EFEMP1: variants seen among roughly 807,000 people sequenced by gnomAD.
EFEMP1 encodes EGF-like fibulin extracellular matrix protein 1.
EFEMP1 carries 18 observed loss-of-function variants against 65.7 expected under a neutral mutation model. The ratio of observed to expected loss-of-function variants is 0.27; its 90% CI spans 0.19 to 0.41. EFEMP1 has a LOEUF of 0.41. Among genes scored for constraint, EFEMP1 ranks in the 10% least tolerant of loss-of-function variants. EFEMP1 has a pLI of 1.00. For synonymous variants in EFEMP1, 237 were observed against 219.7 expected (o/e 1.08, Z -0.70); for missense variants, 469 against 624.8 (o/e 0.75, Z 2.66).
At position 55,922,588 on chromosome 2, in the gene EFEMP1, A is replaced by C; in HGVS notation, c.-7-141T>G. 10 of 782,266 alleles carry C rather than the reference A, an allele frequency of 1.3e-5. No individual in the cohort carries two copies. Among genetic ancestry groups the C allele is most frequent in the African/African-American group, 1.7e-5 (1 of 58,738 alleles). 48.5% of individuals were successfully genotyped at this position (782,266 alleles called of 1,614,324 possible). A position where few individuals can be genotyped will look rare whatever the true frequency, so the allele number is the denominator to read the frequency against. ...TACTCAACTTCCAATCTGCTTTCTCATCTCCCCTCCCCCTCCTGAACCTTC... is the reference window on the plus strand; with the variant it reads ...TACTCAACTTCCAATCTGCTTTCTCCTCTCCCCTCCCCCTCCTGAACCTTC... On this transcript the variant is annotated intron_variant, in intron 2 of 11. Coordinates refer to ENST00000355426, the MANE Select transcript of EFEMP1 (RefSeq NM_001039348.3). This position sits in a 1 kb window ranked among gnomAD's most constrained non-coding sequence, Gnocchi z 5.5.
intron 5 of EFEMP1, among the ~76,000 whole-genome samples, chr2:55,902,574 C>T (rs1489769953): frequency 2.6e-5 from 4 of 152,130 alleles, no homozygotes; most frequent in Admixed American, 6.5e-5. Context: ...ACCACAATAC[C>T]GTAATTACCC....
intron 5 of EFEMP1, among the ~76,000 whole-genome samples, chr2:55,916,964 G>A (rs1350594158): frequency 1.3e-5 from 2 of 152,178 alleles, no homozygotes; most frequent in Non-Finnish European, 2.9e-5. Context: ...GGCAGATGAT[G>A]CCATGGTGCA....
chr2:55,868,509 A>G lies in EFEMP1; in HGVS notation c.1321-1275T>C, dbSNP rs544716047. ...CTTCAATTTCATGTACTTTCTTTAC[A>G]ATACGTTCTCTTTTCCAGGGAAGAT... On this transcript the variant is annotated intron_variant, in intron 11 of 11. Transcript: ENST00000355426. Among the ~76,000 whole-genome samples the G allele has an allele frequency of 2.6e-5, 4 of 152,316 alleles. No homozygotes were observed. The South Asian group carries it at 8.3e-4, about 32-fold the overall frequency.
intron 5 of EFEMP1, among the ~76,000 whole-genome samples, chr2:55,903,387 A>G (rs1222448322): frequency 6.6e-6 from 1 of 152,234 alleles, no homozygotes; most frequent in East Asian, 1.9e-4. Flanking sequence ...GCTGCTGCAG[A>G]AAGTAGAAGA....
At position 55,895,132 on chromosome 2, in the gene EFEMP1, C is replaced by T. The variant is rs533055214; in HGVS notation, c.518-13398G>A. ...TCTAGTGCACTCCTTGCAGGATTGGCAGGGCTGTCCCTGCCATCTTCACCT... is the reference window on the plus strand; with the variant it reads ...TCTAGTGCACTCCTTGCAGGATTGGTAGGGCTGTCCCTGCCATCTTCACCT... On this transcript the variant is annotated intron_variant, in intron 5 of 11. Coordinates refer to ENST00000355426, the MANE Select transcript of EFEMP1 (RefSeq NM_001039348.3). 2.0e-5 allele frequency among the ~76,000 whole-genome samples: 3 copies of T among 152,356 alleles called. No homozygotes were observed. In the South Asian group the frequency reaches 6.2e-4, roughly 32 times the overall value.
chr2:55,900,694 G>T (rs1466862731), intron 5 of EFEMP1, among the ~76,000 whole-genome samples: 4 of 151,960 alleles, frequency 2.6e-5, no homozygotes, highest in African/African-American at 7.3e-5. Context: ...TGACAATCTG[G>T]CTACTAGAGT....
chr2:55,879,970 C>G (rs1036555499), intron 6 of EFEMP1, among the ~76,000 whole-genome samples: 1 of 152,058 alleles, frequency 6.6e-6, no homozygotes, highest in African/African-American at 2.4e-5. Context: ...GCAGGCTTCC[C>G]AGAGGAAGTG....
At chr2:55,902,828 A>C (rs1670091828) in intron 5 of EFEMP1, among the ~76,000 whole-genome samples, 1 of 152,210 alleles carries the variant, frequency 6.6e-6, no homozygotes, top group African/African-American at 2.4e-5. Flanking sequence ...TAAAAATGCC[A>C]TCCAAAAGGC....
intron 9 of EFEMP1, among the ~76,000 whole-genome samples, chr2:55,874,740 C>G (rs1212484883): frequency 4.6e-5 from 7 of 151,826 alleles, no homozygotes; most frequent in African/African-American, 1.5e-4. Flanking sequence ...AATTATTTAT[C>G]TTTTAAGGAC....
Position 55,917,900 on chromosome 2 carries a change from G to A in EFEMP1, c.282C>T (p.Thr94=). 2 of 1,614,140 alleles carry A rather than the reference G, an allele frequency of 1.2e-6. No individual in the cohort carries two copies. Among genetic ancestry groups the A allele is most frequent in the Non-Finnish European group, 8.5e-7 (1 of 1,180,036 alleles). Residue 94 remains threonine, a synonymous_variant, in exon 5 of 12, where the codon ACC becomes ACT. Transcript: ENST00000355426. This position sits in a 1 kb window ranked among gnomAD's most constrained non-coding sequence, Gnocchi z 6.3. Reference sequence around the variant, plus strand: ...CTACAACCCCGGTGGTTGCCCCTGAGGTTCCTTCTGCTGGTTGTGTTTCCT... The same window carrying A: ...CTACAACCCCGGTGGTTGCCCCTGAAGTTCCTTCTGCTGGTTGTGTTTCCT... ...PQQETQPAEG[T]SGATTGVVAA... is the part of the protein sequence containing the mutation.
intron 5 of EFEMP1, among the ~76,000 whole-genome samples, chr2:55,908,903 T>C (rs1302118740): frequency 6.6e-6 from 1 of 152,160 alleles, no homozygotes; most frequent in Non-Finnish European, 1.5e-5. Context: ...AAAAGAATTC[T>C]AGTGTTCCCA....
intron 5 of EFEMP1, among the ~76,000 whole-genome samples, chr2:55,892,217 C>T (rs1403617120): frequency 1.3e-5 from 2 of 152,104 alleles, no homozygotes; most frequent in Non-Finnish European, 2.9e-5. Flanking sequence ...TTTACATTTC[C>T]ATTGGGGACA....
In EFEMP1 at chr2:55,877,478, A is replaced by G. The variant is rs1440873572; in HGVS notation, c.760+268T>C. ...GCATTATATCACACACTGCTGATTG[A>G]CTGGTGTATGTATATCAATTGATTT... On this transcript the variant is annotated intron_variant, in intron 7 of 11. Coordinates refer to ENST00000355426, the MANE Select transcript of EFEMP1 (RefSeq NM_001039348.3). This position sits in a 1 kb window ranked among gnomAD's most constrained non-coding sequence, Gnocchi z 4.5. 1.3e-5 allele frequency among the ~76,000 whole-genome samples: 2 copies of G among 152,290 alleles called. No individual in the cohort carries two copies. The highest frequency in any genetic ancestry group is 4.8e-5 in the African/African-American group (2 of 41,566).
Position 55,922,302 on chromosome 2 carries a change from T to C in EFEMP1, c.81+58A>G. The C allele has an allele frequency of 1.3e-6, 2 of 1,549,930 alleles. No homozygotes were observed. The highest frequency in any genetic ancestry group is 1.8e-6 in the Non-Finnish European group (2 of 1,123,054). On this transcript the variant is annotated intron_variant, in intron 3 of 11. Transcript: ENST00000355426. The surrounding 1 kb of genome is among the most constrained non-coding windows in gnomAD (Gnocchi z 5.5). Reference sequence around the variant, plus strand: ...TACACTGGCAGGGGTGTGTAAAGTCTTTTTTTGTCACAGAATCCCGCTGAA... The same window carrying C: ...TACACTGGCAGGGGTGTGTAAAGTCCTTTTTTGTCACAGAATCCCGCTGAA...
At chr2:55,900,470 G>C (rs868738432) in intron 5 of EFEMP1, among the ~76,000 whole-genome samples, 18 of 152,154 alleles carry the variant, frequency 1.2e-4, no homozygotes, top group Admixed American at 2.0e-4. Context: ...GAAACACCTG[G>C]AGAAATCTGG....
chr2:55,910,387 A>G (rs1476130207), intron 5 of EFEMP1, among the ~76,000 whole-genome samples: 1 of 152,224 alleles, frequency 6.6e-6, no homozygotes, highest in Non-Finnish European at 1.5e-5. Context: ...AATGAATTTC[A>G]GATGCGGTGT....
chr2:55,898,770 T>C (rs538401507), intron 5 of EFEMP1, among the ~76,000 whole-genome samples: 1 of 152,252 alleles, frequency 6.6e-6, no homozygotes, highest in South Asian at 2.1e-4. Flanking sequence ...TGTCTTCCAA[T>C]GGAATTTTCC....
chr2:55,893,029 T>C (rs1214929102), intron 5 of EFEMP1, among the ~76,000 whole-genome samples: 2 of 152,170 alleles, frequency 1.3e-5, no homozygotes, highest in Non-Finnish European at 2.9e-5. Context: ...ATAATTTGTT[T>C]ATAGAAACTT....
intron 5 of EFEMP1, among the ~76,000 whole-genome samples, chr2:55,907,614 C>G (rs1014182720): frequency 1.3e-5 from 2 of 152,070 alleles, no homozygotes; most frequent in Admixed American, 6.5e-5. Context: ...AATGTATGTA[C>G]AAGAGGAGGG....
Sources: gnomAD v4.1 joint callset for allele counts (sites outside exome capture counted in the v4.1 genomes callset) on GRCh38, gnomAD v4.1.1 for gene constraint, Gnocchi (gnomAD v3.1) non-coding constraint, MANE v1.5 for transcripts, NCBI Gene and HGNC (gene_info 2026-07-23, HGNC 2026-07-21) for gene names.